PIGT: variants seen among roughly 807,000 people sequenced by gnomAD.
PIGT encodes the protein GPI-anchor transamidase component PIGT.
A neutral mutation model predicts 66.7 loss-of-function variants in PIGT; 57 were observed. The ratio of observed to expected loss-of-function variants is 0.86; its 90% CI spans 0.69 to 1.07. The LOEUF (loss-of-function observed/expected upper bound fraction) is 1.07. Among genes scored for constraint, PIGT ranks in the 50% least tolerant of loss-of-function variants. The pLI is 0.00. For missense variants in PIGT, 725 were observed against 740.4 expected (o/e 0.98, Z 0.24); for synonymous variants, 362 against 320.5 (o/e 1.13, Z -1.38).
chr20:45,423,543 A>C (rs987280416), intron 9 of PIGT: 3 of 151,786 alleles, frequency 2.0e-5, no homozygotes, highest in Admixed American at 6.6e-5. Flanking sequence ...AAATTACTAG[A>C]CTATTCTTAG....
chr20:45,422,917 C>CCT (rs1386816549), intron 9 of PIGT: 1 of 152,016 alleles, frequency 6.6e-6, no homozygotes, highest in African/African-American at 2.4e-5. Flanking sequence ...ATACTAAGTT[C>CCT]CTCTCTTGGG....
At position 45,424,286 on chromosome 20, in the gene PIGT, G is replaced by A. The variant is rs144302866; in HGVS notation, c.1305G>A (p.Pro435=). The A allele has an allele frequency of 1.1e-5, 18 of 1,613,978 alleles. No individual in the cohort carries two copies. Among genetic ancestry groups the A allele is most frequent in the Middle Eastern group, 1.6e-4 (1 of 6,084 alleles). ...TCCTGGAGATGCTGATTCAGCTGCC[G>A]GCCAACTCAGTCACCAAGGTTTCCA... is the stretch of plus-strand genomic sequence containing the variant. ...PHLLEMLIQL[P]ANSVTKVSIQ... is the part of the protein sequence containing the mutation. The change falls in exon 10 of 12, where the codon CCG becomes CCA. Residue 435 remains proline (P), a synonymous_variant. Transcript: ENST00000279036.
intron 9 of PIGT, chr20:45,421,813 A>T: frequency 1.8e-6 from 1 of 555,698 alleles, no homozygotes; most frequent in Non-Finnish European, 3.2e-6. Context: ...GTGATTCTTA[A>T]TAGGACTGTA....
chr20:45,424,523 C>T lies in PIGT; in HGVS notation c.1428C>T (p.Pro476=). The T allele has an allele frequency of 3.1e-6, 5 of 1,614,182 alleles. No individual in the cohort carries two copies. The highest frequency in any genetic ancestry group is 4.2e-6 in the Non-Finnish European group (5 of 1,180,040). Residue 476 remains proline, a synonymous_variant, in exon 11 of 12, where the codon CCC becomes CCT. Coordinates refer to ENST00000279036, the MANE Select transcript of PIGT (RefSeq NM_015937.6). ...VSPSVLSALV[P]SMVAAKPVDW... ...CATCTGTCCTCAGCGCCCTTGTGCC[C>T]AGCATGGTAGCAGCCAAGCCAGTGG...
At position 45,416,221 on chromosome 20, in the gene PIGT, T is replaced by C; in HGVS notation, c.65T>C (p.Leu22Pro). Reference sequence around the variant, plus strand: ...CTCCTGGGGCCCGGCGGCTGGTGCCTTGCAGAACCCCCACGCGACAGCCTG... The same window carrying C: ...CTCCTGGGGCCCGGCGGCTGGTGCCCTGCAGAACCCCCACGCGACAGCCTG... ...LLLLGPGGWC[L>P]AEPPRDSLRE... Residue 22 changes from leucine to proline, a missense_variant, in exon 1 of 12, where the codon CTT (leucine) becomes CCT (proline). By Grantham distance (98) the Leu-to-Pro change is moderately conservative. Around this residue, in one of 3 missense-constraint regions of PIGT, gnomAD observed 559 missense variants for 552.7 expected, o/e 1.01. Transcript: ENST00000279036. 1.3e-6 allele frequency: 2 copies of C among 1,596,366 alleles called. No individual in the cohort carries two copies. Among genetic ancestry groups the C allele is most frequent in the Admixed American group, 1.7e-5 (1 of 57,450 alleles).
At chr20:45,420,462 A>T (rs1237763014) in intron 7 of PIGT, 33 bp downstream of exon 7, 1 of 1,607,112 alleles carries the variant, frequency 6.2e-7, no homozygotes, top group South Asian at 1.1e-5. Flanking sequence ...ACACAAACAC[A>T]CCGCTGGTCC....
rs545928092 is a variant in PIGT, at chr20:45,426,084, G to A, written c.*258G>A. 1.8e-4 allele frequency: 102 copies of A among 551,704 alleles called. No individual in the cohort carries two copies. Among genetic ancestry groups the A allele is most frequent in the East Asian group, 1.7e-3 (57 of 33,012 alleles). 34.2% of individuals were successfully genotyped at this position (551,704 alleles called of 1,614,324 possible). A position where few individuals can be genotyped will look rare whatever the true frequency, so the allele number is the denominator to read the frequency against. ...AGGTGCTCAATAAGCAAAAGTGGTC[G>A]GTGGCTGCTGTATTGGACAGCACAG... On this transcript the variant is annotated 3_prime_UTR_variant, in exon 12 of 12. Coordinates refer to ENST00000279036, the MANE Select transcript of PIGT (RefSeq NM_015937.6).
At chr20:45,416,453 C>T (rs1600800713) in intron 1 of PIGT, 64 bp from the exon 2 acceptor site, 1 of 1,581,496 alleles carries the variant, frequency 6.3e-7, no homozygotes, top group Non-Finnish European at 8.6e-7. Flanking sequence ...GGGTAGAGTT[C>T]GGGATCCTGG....
Position 45,425,732 on chromosome 20 carries a change from C to T in PIGT, c.1643C>T (p.Thr548Ile). 1 of 1,614,144 alleles carries T rather than the reference C, an allele frequency of 6.2e-7. No individual in the cohort carries two copies. The highest frequency in any genetic ancestry group is 8.5e-7 in the Non-Finnish European group (1 of 1,179,986). Reference sequence around the variant, plus strand: ...TATGGCTCCTTCTACAATCTCCTCACCCGAACCTTCCACATCGAGGAGCCC... The same window carrying T: ...TATGGCTCCTTCTACAATCTCCTCATCCGAACCTTCCACATCGAGGAGCCC... ...VCYGSFYNLL[T>I]RTFHIEEPRT... Residue 548 changes from threonine to isoleucine, a missense_variant, in exon 12 of 12, where the codon ACC (threonine) becomes ATC (isoleucine). Transcript: ENST00000279036.
At chr20:45,417,409 TTC>T (rs1395497894) in intron 2 of PIGT, 1 of 152,240 alleles carries the variant, frequency 6.6e-6, no homozygotes, top group Middle Eastern at 3.2e-3. Flanking sequence ...TTGTGTGACA[TTC>T]TAACGAGGAC....
Position 45,416,164 on chromosome 20 carries a change from C to T in PIGT, c.8C>T (p.Ala3Val), listed in dbSNP as rs764788407. The T allele has an allele frequency of 5.1e-6, 8 of 1,563,166 alleles. No individual in the cohort carries two copies. The highest frequency in any genetic ancestry group is 5.2e-6 in the Non-Finnish European group (6 of 1,156,252). MA[A>V]AMPLALLVLL... ...GCGGAAGTAGCCGCAGGCATGGCGG[C>T]GGCTATGCCGCTTGCTCTGCTCGTC... is the stretch of plus-strand genomic sequence containing the variant. The change falls in exon 1 of 12, where the codon GCG (alanine) becomes GTG (valine). Residue 3 changes from alanine (A) to valine (V), a missense_variant. Physicochemically the swap from Ala to Val is moderately conservative, Grantham distance 64. Around this residue, in one of 3 missense-constraint regions of PIGT, gnomAD observed 559 missense variants for 552.7 expected, o/e 1.01. Coordinates refer to ENST00000279036, the MANE Select transcript of PIGT (RefSeq NM_015937.6).
chr20:45,421,385 G>GC lies in PIGT; in HGVS notation c.1043dup (p.Val349SerfsTer99), dbSNP rs749895437. ...ACTGTTGATATTTCTTTACACAGAG[G>GC]CCCCCCCAGTGCCCTTCCTGCATGC... On this transcript the variant is annotated frameshift_variant, in exon 9 of 12. Transcript: ENST00000279036. LOFTEE classifies it high-confidence loss of function. 18 of 1,612,180 alleles carry GC rather than the reference G, an allele frequency of 1.1e-5. No individual in the cohort carries two copies. The highest frequency in any genetic ancestry group is 4.0e-5 in the African/African-American group (3 of 74,838).
In PIGT at chr20:45,425,727, C is replaced by T; in HGVS notation, c.1638C>T (p.Leu546=). Residue 546 remains leucine, a synonymous_variant, in exon 12 of 12, where the codon CTC becomes CTT. Transcript: ENST00000279036. ...TGTGCTATGGCTCCTTCTACAATCT[C>T]CTCACCCGAACCTTCCACATCGAGG... The part of the protein sequence containing the change: ...VAVCYGSFYN[L]LTRTFHIEEP... 3 of 1,614,134 alleles carry T rather than the reference C, an allele frequency of 1.9e-6. No individual in the cohort carries two copies.
rs201944222 is a variant in PIGT at position 45,419,290 on chromosome 20, C to T, written c.494-5C>T. 1.9e-4 allele frequency: 300 copies of T among 1,612,494 alleles called. No homozygotes were observed. Among genetic ancestry groups the T allele is most frequent in the Non-Finnish European group, 2.3e-4 (271 of 1,178,716 alleles). ...CCACCCCAGACAGACCTCTGTCTCCCTCAGACACTGACCACTACTTTCTGC... is the reference window on the plus strand; with the variant it reads ...CCACCCCAGACAGACCTCTGTCTCCTTCAGACACTGACCACTACTTTCTGC... On this transcript the variant is annotated splice_region_variant and splice_polypyrimidine_tract_variant and intron_variant, in intron 3 of 11. Transcript: ENST00000279036.
intron 2 of PIGT, chr20:45,418,557 T>G (rs1990133806): frequency 2.6e-6 from 1 of 378,478 alleles, no homozygotes; most frequent in African/African-American, 2.1e-5. Flanking sequence ...AGCCGGATCA[T>G]GAAGGTAGGC....
rs1431544944 is a variant in PIGT at position 45,419,301 on chromosome 20, A to G, written c.500A>G (p.Asp167Gly). 1 of 1,613,776 alleles carries G rather than the reference A, an allele frequency of 6.2e-7. No homozygotes were observed. Residue 167 changes from aspartate (D) to glycine (G), a missense_variant, in exon 4 of 12, where the codon GAC becomes GGC. Asp to Gly is a moderately conservative substitution (Grantham distance 94). Transcript: ENST00000279036. ...AGACCTCTGTCTCCCTCAGACACTGACCACTACTTTCTGCGCTATGCTGTG... is the reference window on the plus strand; with the variant it reads ...AGACCTCTGTCTCCCTCAGACACTGGCCACTACTTTCTGCGCTATGCTGTG... The part of the protein sequence containing the change: ...FKPLGLANDT[D>G]HYFLRYAVLP...
At chr20:45,419,211 G>A (rs757280387) in intron 3 of PIGT, 84 bp from the exon 4 acceptor site, 1 of 1,226,788 alleles carries the variant, frequency 8.2e-7, no homozygotes, top group African/African-American at 1.5e-5. Flanking sequence ...GTGGGGAGCA[G>A]GAGGGTCATT....
At chr20:45,420,800 T>A in intron 8 of PIGT, 107 bp downstream of exon 8, 1 of 1,168,228 alleles carries the variant, frequency 8.6e-7, no homozygotes, top group Non-Finnish European at 1.3e-6. Context: ...AGACCAGATT[T>A]CCAGAGTCAT....
intron 9 of PIGT, chr20:45,423,288 T>C (rs772314844): frequency 6.6e-6 from 1 of 151,754 alleles, no homozygotes; most frequent in Non-Finnish European, 1.5e-5. Context: ...GTGGTCTCGA[T>C]CTTCTGACCT....
Sources: allele counts gnomAD v4.1 joint callset, GRCh38; gene constraint gnomAD v4.1.1; regional missense constraint gnomAD v4.1.1; transcripts MANE v1.5; gene names NCBI Gene and HGNC (gene_info 2026-07-23, HGNC 2026-07-21).